CDH13: variants seen among roughly 807,000 people sequenced by gnomAD.
CDH13 encodes cadherin 13, also known as cadherin-13.
In CDH13, 24 loss-of-function variants were observed where a neutral mutation model predicts 63.8. That is an observed-to-expected ratio of 0.38 (90% CI 0.27 to 0.53). The LOEUF is 0.53. Ranked by LOEUF, CDH13 falls within the 20% of genes least tolerant of loss-of-function variation. The pLI is 0.85. For missense variants in CDH13, 1,049 were observed against 903.1 expected (o/e 1.16, Z -2.07); for synonymous variants, 503 against 355.3 (o/e 1.42, Z -4.67).
At chr16:83,202,612 T>G (rs2039064075) in intron 4 of CDH13, among the ~76,000 whole-genome samples, 2 of 152,208 alleles carry the variant, frequency 1.3e-5, no homozygotes, top group Non-Finnish European at 2.9e-5. Flanking sequence ...TTTCCAGGCA[T>G]CAGTCTTCAT....
chr16:83,597,281 G>C (rs943906899), intron 7 of CDH13, among the ~76,000 whole-genome samples: 1 of 152,148 alleles, frequency 6.6e-6, no homozygotes, highest in African/African-American at 2.4e-5. Flanking sequence ...TCATCCAGTA[G>C]GGATTGACTA....
rs549299332 is a variant in CDH13 at position 82,694,918 on chromosome 16, G to A, written c.45+67781G>A. Among the ~76,000 whole-genome samples the A allele has an allele frequency of 7.9e-5, 12 of 152,244 alleles. No individual in the cohort carries two copies. In the East Asian group the frequency reaches 2.1e-3, roughly 27 times the overall value. On this transcript the variant is annotated intron_variant, in intron 1 of 13. Coordinates refer to ENST00000567109, the MANE Select transcript of CDH13 (RefSeq NM_001257.5). Reference sequence around the variant, plus strand: ...TACTGAGCATAACAGATGGAACTGAGGAGTCAAGGAGGGAAGCCTTCTCTG... The same window carrying A: ...TACTGAGCATAACAGATGGAACTGAAGAGTCAAGGAGGGAAGCCTTCTCTG...
At chr16:82,677,627 A>C in intron 1 of CDH13, among the ~76,000 whole-genome samples, 1 of 152,162 alleles carries the variant, frequency 6.6e-6, no homozygotes, top group Non-Finnish European at 1.5e-5. Context: ...AAGGGTTTAG[A>C]AGTATCAGAG....
At chr16:83,572,382 C>T (rs1001416839) in intron 7 of CDH13, among the ~76,000 whole-genome samples, 1 of 152,148 alleles carries the variant, frequency 6.6e-6, no homozygotes, top group Non-Finnish European at 1.5e-5. Flanking sequence ...CTCAGGTGAT[C>T]TACCCATCTC....
chr16:83,168,028 A>G (rs532174288), intron 4 of CDH13, among the ~76,000 whole-genome samples: 1 of 152,108 alleles, frequency 6.6e-6, no homozygotes, highest in South Asian at 2.1e-4. Flanking sequence ...GATGGCAACA[A>G]TAGACAGTGG....
At chr16:83,492,090 T>A (rs2074026627) in intron 7 of CDH13, among the ~76,000 whole-genome samples, 1 of 152,168 alleles carries the variant, frequency 6.6e-6, no homozygotes, top group Admixed American at 6.5e-5. Flanking sequence ...GAGAACTATG[T>A]ATTTGGTCAA....
At chr16:83,395,962 AC>A (rs1009096490) in intron 6 of CDH13, among the ~76,000 whole-genome samples, 12 of 151,330 alleles carry the variant, frequency 7.9e-5, no homozygotes, top group African/African-American at 2.7e-4. Context: ...CCCATCCTCC[AC>A]CCTCCTGGTG....
chr16:82,863,891 T>TG (rs1869967048), intron 2 of CDH13, among the ~76,000 whole-genome samples: 1 of 63,210 alleles, frequency 1.6e-5, no homozygotes, highest in Non-Finnish European at 2.9e-5. Context: ...GAGTGTATTT[T>TG]AAAAAATTGG....
At chr16:82,948,123 A>G (rs1429454170) in intron 2 of CDH13, among the ~76,000 whole-genome samples, 1 of 152,166 alleles carries the variant, frequency 6.6e-6, no homozygotes, top group African/African-American at 2.4e-5. Flanking sequence ...CTCTAACGTT[A>G]TTCTTCTATC....
At chr16:82,719,951 A>G (rs758261113) in intron 1 of CDH13, among the ~76,000 whole-genome samples, 6 of 152,156 alleles carry the variant, frequency 3.9e-5, no homozygotes, top group Non-Finnish European at 5.9e-5. Context: ...AAATATAATG[A>G]AAGCAATTTT....
chr16:83,526,357 A>T (rs1005485341), intron 7 of CDH13, among the ~76,000 whole-genome samples: 14 of 152,232 alleles, frequency 9.2e-5, no homozygotes, highest in African/African-American at 3.1e-4. Flanking sequence ...AACCAGTTTC[A>T]TGGAAGACAA....
chr16:83,306,640 C>T (rs9922498), intron 5 of CDH13, among the ~76,000 whole-genome samples: 10,430 of 152,182 alleles, frequency 0.069, 436 homozygotes, highest in African/African-American at 0.12. Flanking sequence ...TCATGGAATT[C>T]CAAGTACTTT....
chr16:82,676,332 A>G (rs1913894689), intron 1 of CDH13, among the ~76,000 whole-genome samples: 1 of 151,846 alleles, frequency 6.6e-6, no homozygotes, highest in Non-Finnish European at 1.5e-5. Flanking sequence ...AGTGTTCCCT[A>G]CCTCATTCTG....
At chr16:83,258,713 C>A (rs1030287852) in intron 5 of CDH13, among the ~76,000 whole-genome samples, 1 of 152,192 alleles carries the variant, frequency 6.6e-6, no homozygotes, top group Non-Finnish European at 1.5e-5. Context: ...TAACATGACA[C>A]CAACAGGGGT....
At chr16:83,271,252 A>ACTAAAACTT (rs1417891066) in intron 5 of CDH13, among the ~76,000 whole-genome samples, 1 of 151,512 alleles carries the variant, frequency 6.6e-6, no homozygotes, top group Non-Finnish European at 1.5e-5. Flanking sequence ...AAGTCTGTTA[A>ACTAAAACTT]CTAAAACTTG....
chr16:83,212,709 C>T (rs1311243630), intron 4 of CDH13, among the ~76,000 whole-genome samples: 1 of 152,174 alleles, frequency 6.6e-6, no homozygotes, highest in Non-Finnish European at 1.5e-5. Flanking sequence ...CTGCCCAAAG[C>T]AGTGGTCTTC....
chr16:82,947,398 A>G (rs1246740265), intron 2 of CDH13, among the ~76,000 whole-genome samples: 1 of 152,188 alleles, frequency 6.6e-6, no homozygotes, highest in Admixed American at 6.5e-5. Flanking sequence ...CAAACTGGAT[A>G]TTTTGGATAA....
chr16:83,521,966 G>A (rs1198284528), intron 7 of CDH13, among the ~76,000 whole-genome samples: 1 of 152,114 alleles, frequency 6.6e-6, no homozygotes, highest in Non-Finnish European at 1.5e-5. Context: ...TTTTTCAAGC[G>A]ATTTTCTGAA....
chr16:83,013,431 T>A (rs552320172), intron 2 of CDH13, among the ~76,000 whole-genome samples: 3 of 152,136 alleles, frequency 2.0e-5, no homozygotes, highest in Non-Finnish European at 4.4e-5. Context: ...GCAGCCTTCT[T>A]TACGCAGCTG....
Sources: gnomAD v4.1 joint callset for allele counts (sites outside exome capture counted in the v4.1 genomes callset) on GRCh38, gnomAD v4.1.1 for gene constraint, MANE v1.5 for transcripts, NCBI Gene and HGNC (gene_info 2026-07-23, HGNC 2026-07-21) for gene names.